Variants in SHOC2 observed in about 807,000 individuals in gnomAD.
SHOC2 encodes the protein leucine-rich repeat protein SHOC-2.
Under a neutral mutation model 50.2 loss-of-function variants are expected in SHOC2, and 4 were observed. The observed-to-expected ratio is 0.08, with a 90% CI of 0.04 to 0.18. The LOEUF is 0.18. Ranked by LOEUF, SHOC2 falls within the 10% of genes least tolerant of loss-of-function variation. The pLI is 1.00. For synonymous variants in SHOC2, 218 were observed against 244.5 expected, an observed-to-expected ratio of 0.89 and a Z score of 1.01; for missense variants, 388 against 669.6, an observed-to-expected ratio of 0.58 and a Z score of 4.64.
chr10:110,964,867 A>G lies in SHOC2; in HGVS notation c.509A>G (p.Lys170Arg). 6.2e-7 allele frequency: 1 copy of G among 1,614,032 alleles called. No individual in the cohort carries two copies. The highest frequency in any genetic ancestry group is 2.2e-5 in the East Asian group (1 of 44,880). Residue 170 changes from lysine to arginine, a missense_variant, in exon 2 of 9, where the codon AAG (lysine) becomes AGG (arginine). Lys to Arg is a conservative substitution (Grantham distance 26). Transcript: ENST00000369452. The surrounding 1 kb of genome is among the most constrained non-coding windows in gnomAD (Gnocchi z 4.9). ...SLPDSLDNLK[K>R]LRMLDLRHNK... ...CCTGACTCTCTTGATAACTTGAAGAAGCTGCGGATGCTTGATTTACGGCAT... is the reference window on the plus strand; with the variant it reads ...CCTGACTCTCTTGATAACTTGAAGAGGCTGCGGATGCTTGATTTACGGCAT...
intron 1 of SHOC2, among the ~76,000 whole-genome samples, chr10:110,955,491 G>A (rs1385938973): frequency 1.3e-5 from 2 of 152,088 alleles, no homozygotes; most frequent in African/African-American, 4.8e-5. Context: ...AGATTGGGGG[G>A]GAAATCTATT....
At chr10:110,924,570 C>A (rs180859471) in intron 1 of SHOC2, among the ~76,000 whole-genome samples, 144 of 152,112 alleles carry the variant, frequency 9.5e-4, no homozygotes, top group African/African-American at 3.3e-3. Context: ...AATAATATTT[C>A]TTGTGTTCCT....
At chr10:110,973,861 G>A (rs1037481024) in intron 2 of SHOC2, among the ~76,000 whole-genome samples, 2 of 151,228 alleles carry the variant, frequency 1.3e-5, no homozygotes, top group African/African-American at 2.4e-5. Context: ...TGCTTTTAAT[G>A]TTCCATATAT....
intron 1 of SHOC2, among the ~76,000 whole-genome samples, chr10:110,956,317 G>A (rs2134110797): frequency 6.6e-6 from 1 of 152,206 alleles, no homozygotes; most frequent in African/African-American, 2.4e-5. Flanking sequence ...GGGTTCAAGT[G>A]ATTCTCCTGC....
intron 5 of SHOC2, among the ~76,000 whole-genome samples, chr10:111,005,728 G>A (rs1848454481): frequency 6.6e-6 from 1 of 152,120 alleles, no homozygotes; most frequent in African/African-American, 2.4e-5. Context: ...GAAAACAAAT[G>A]GAAAATTATC....
chr10:110,964,390 C>T lies in SHOC2; in HGVS notation c.32C>T (p.Ser11Phe), dbSNP rs1381863749. Residue 11 changes from serine to phenylalanine, a missense_variant, in exon 2 of 9, where the codon TCT becomes TTT. This residue lies in a region of SHOC2 where 121 missense variants were observed against 145.5 expected (regional missense o/e 0.83). Coordinates refer to ENST00000369452, the MANE Select transcript of SHOC2 (RefSeq NM_007373.4). This position sits in a 1 kb window ranked among gnomAD's most constrained non-coding sequence, Gnocchi z 4.9. ...AGTAGTTTAGGAAAAGAAAAAGACT[C>T]TAAAGAAAAAGATCCCAAAGTACCA... is the stretch of plus-strand genomic sequence containing the variant. MSSSLGKEKD[S>F]KEKDPKVPSA... is the part of the protein sequence containing the mutation. 3 of 1,612,874 alleles carry T rather than the reference C, an allele frequency of 1.9e-6. No individual in the cohort carries two copies. The African/African-American group carries it at 4.0e-5, about 22-fold the overall frequency.
At chr10:110,994,447 A>G (rs897077693) in intron 3 of SHOC2, among the ~76,000 whole-genome samples, 3 of 152,236 alleles carry the variant, frequency 2.0e-5, no homozygotes, top group Non-Finnish European at 4.4e-5. Flanking sequence ...CATGTGCACA[A>G]AGATACATGT....
At chr10:110,923,157 T>G (rs1846688236) in intron 1 of SHOC2, among the ~76,000 whole-genome samples, 1 of 151,990 alleles carries the variant, frequency 6.6e-6, no homozygotes, top group African/African-American at 2.4e-5. Flanking sequence ...CTGTAGATCT[T>G]TTTTGAAATA....
intron 2 of SHOC2, among the ~76,000 whole-genome samples, chr10:110,971,931 T>G (rs1847790448): frequency 6.6e-6 from 1 of 151,842 alleles, no homozygotes; most frequent in Admixed American, 6.6e-5. Context: ...AATTAATATC[T>G]ATATATAAAA....
Position 110,964,658 on chromosome 10 carries a change from G to A in SHOC2, c.300G>A (p.Glu100=). The A allele has an allele frequency of 6.2e-7, 1 of 1,614,126 alleles. No homozygotes were observed. Among genetic ancestry groups the A allele is most frequent in the Non-Finnish European group, 8.5e-7 (1 of 1,180,000 alleles). ...AAGAGCTCAACAAATGCCGGGAAGA[G>A]AATTCAATGCGTTTGGACTTATCCA... The part of the protein sequence containing the change: ...VIKELNKCRE[E]NSMRLDLSKR... Residue 100 remains glutamate (E), a synonymous_variant, in exon 2 of 9, where the codon GAG becomes GAA. Transcript: ENST00000369452. The surrounding 1 kb of genome is among the most constrained non-coding windows in gnomAD (Gnocchi z 4.9).
intron 2 of SHOC2, among the ~76,000 whole-genome samples, chr10:110,975,380 G>T (rs1402543834): frequency 1.3e-5 from 2 of 152,060 alleles, no homozygotes; most frequent in Non-Finnish European, 2.9e-5. Flanking sequence ...CTGACCTCGT[G>T]ATCTGCCTGC....
At chr10:110,989,921 T>A (rs1252966230) in intron 3 of SHOC2, among the ~76,000 whole-genome samples, 2 of 152,168 alleles carry the variant, frequency 1.3e-5, no homozygotes, top group Non-Finnish European at 2.9e-5. Context: ...CAGTGACATA[T>A]TTAGTTTGTG....
At chr10:110,941,392 C>T (rs967263099) in intron 1 of SHOC2, among the ~76,000 whole-genome samples, 4 of 151,834 alleles carry the variant, frequency 2.6e-5, no homozygotes, top group African/African-American at 4.8e-5. Context: ...AGTGTAGTGG[C>T]GCGATCTTGG....
chr10:111,002,488 T>C (rs761840973), intron 4 of SHOC2, among the ~76,000 whole-genome samples: 8 of 152,194 alleles, frequency 5.3e-5, no homozygotes, highest in African/African-American at 1.7e-4. Context: ...TGTATACATA[T>C]AGAAAAGGAA....
intron 3 of SHOC2, among the ~76,000 whole-genome samples, chr10:110,987,641 AATAAGG>A (rs1395288337): frequency 1.3e-5 from 2 of 152,210 alleles, no homozygotes; most frequent in African/African-American, 4.8e-5. Flanking sequence ...GGTTCAAGAT[AATAAGG>A]ACCAAGCACA....
At chr10:110,955,719 AT>A (rs1847448445) in intron 1 of SHOC2, among the ~76,000 whole-genome samples, 1 of 152,194 alleles carries the variant, frequency 6.6e-6, no homozygotes, top group Non-Finnish European at 1.5e-5. Context: ...GTTTTCTATA[AT>A]TTTTGTTTCA....
At chr10:110,991,080 G>A (rs979421372) in intron 3 of SHOC2, among the ~76,000 whole-genome samples, 1 of 151,744 alleles carries the variant, frequency 6.6e-6, no homozygotes, top group Non-Finnish European at 1.5e-5. Context: ...ATTTTCATTC[G>A]GCCTTCTTCT....
intron 1 of SHOC2, among the ~76,000 whole-genome samples, chr10:110,941,233 C>T (rs1459634956): frequency 1.3e-5 from 2 of 151,862 alleles, no homozygotes; most frequent in African/African-American, 4.8e-5. Flanking sequence ...TGATACTGAA[C>T]ATCTTATTTG....
chr10:110,944,857 T>C (rs181966871), intron 1 of SHOC2, among the ~76,000 whole-genome samples: 40 of 152,350 alleles, frequency 2.6e-4, no homozygotes, highest in African/African-American at 7.5e-4. Flanking sequence ...CTCCTAGTCT[T>C]TGCCAGAGGA....
Sources: gnomAD v4.1 joint callset for allele counts (sites outside exome capture counted in the v4.1 genomes callset) on GRCh38, gnomAD v4.1.1 for gene constraint, gnomAD v4.1.1 regional missense constraint, Gnocchi (gnomAD v3.1) non-coding constraint, MANE v1.5 for transcripts, NCBI Gene and HGNC (gene_info 2026-07-23, HGNC 2026-07-21) for gene names.